Variants in UNC5C observed in about 807,000 individuals in gnomAD.
UNC5C encodes netrin receptor UNC5C.
Under a neutral mutation model 99.8 loss-of-function variants are expected in UNC5C, and 47 were observed. The observed-to-expected ratio is 0.47, with a 90% CI of 0.37 to 0.60. The LOEUF is 0.60. UNC5C is among the 20% of genes least tolerant of loss of function. The pLI, the probability that UNC5C is intolerant of heterozygous loss-of-function variation, is 0.00. For synonymous variants in UNC5C, 487 were observed against 452.2 expected, an observed-to-expected ratio of 1.08 and a Z score of -0.98; for missense variants, 1,062 against 1,165.9, an observed-to-expected ratio of 0.91 and a Z score of 1.30.
intron 1 of UNC5C, among the ~76,000 whole-genome samples, chr4:95,406,918 T>C (rs909429379): frequency 7.2e-5 from 11 of 152,166 alleles, no homozygotes; most frequent in African/African-American, 2.7e-4. Context: ...GCCTTTAAAA[T>C]CAAAATAATT....
intron 1 of UNC5C, among the ~76,000 whole-genome samples, chr4:95,371,416 T>G (rs1744743581): frequency 4.3e-5 from 2 of 46,810 alleles, no homozygotes; most frequent in Non-Finnish European, 7.3e-5. Flanking sequence ...AAACACAGTA[T>G]ATTTTGTGGG....
chr4:95,479,961 G>A (rs1366376145), intron 1 of UNC5C, among the ~76,000 whole-genome samples: 2 of 148,660 alleles, frequency 1.3e-5, no homozygotes, highest in Non-Finnish European at 3.0e-5. Flanking sequence ...AGAAAATTCT[G>A]TCTCTTTCCT....
intron 1 of UNC5C, among the ~76,000 whole-genome samples, chr4:95,500,597 A>C (rs1433934395): frequency 6.6e-6 from 1 of 152,140 alleles, no homozygotes; most frequent in Non-Finnish European, 1.5e-5. Flanking sequence ...CAGCTGCATA[A>C]ACAACAACTT....
chr4:95,432,747 A>G (rs1217087046), intron 1 of UNC5C, among the ~76,000 whole-genome samples: 1 of 152,116 alleles, frequency 6.6e-6, no homozygotes, highest in African/African-American at 2.4e-5. Context: ...AAACATCAAT[A>G]AAAGGGAAAT....
chr4:95,520,373 T>A (rs1353508711), intron 1 of UNC5C, among the ~76,000 whole-genome samples: 1 of 152,190 alleles, frequency 6.6e-6, no homozygotes, highest in Non-Finnish European at 1.5e-5. Flanking sequence ...GATTGACTCA[T>A]TGTACTTGTC....
chr4:95,335,296 G>C lies in UNC5C; in HGVS notation c.346+114C>G, dbSNP rs961563541. 2.9e-6 allele frequency: 3 copies of C among 1,022,638 alleles called. No homozygotes were observed. In the African/African-American group the frequency reaches 4.8e-5, roughly 16 times the overall value. 63.3% of individuals were successfully genotyped at this position (1,022,638 alleles called of 1,614,324 possible). On this transcript the variant is annotated intron_variant, in intron 2 of 15. Coordinates refer to ENST00000453304, the MANE Select transcript of UNC5C (RefSeq NM_003728.4). Reference sequence around the variant, plus strand: ...TAACCAAACCAATTCAAAACTTTTTGTCAGAGAATAACTCCATTTTCCATT... The same window carrying C: ...TAACCAAACCAATTCAAAACTTTTTCTCAGAGAATAACTCCATTTTCCATT...
At chr4:95,236,172 C>T (rs1364248148) in intron 7 of UNC5C, among the ~76,000 whole-genome samples, 1 of 152,064 alleles carries the variant, frequency 6.6e-6, no homozygotes, top group Non-Finnish European at 1.5e-5. Flanking sequence ...TAGCAAAGAA[C>T]TGGAACCAAC....
intron 1 of UNC5C, among the ~76,000 whole-genome samples, chr4:95,543,530 A>C (rs1319082745): frequency 6.6e-6 from 1 of 152,128 alleles, no homozygotes; most frequent in Non-Finnish European, 1.5e-5. Flanking sequence ...GTGTTGACCT[A>C]TTTTTATGTT....
chr4:95,301,246 A>G (rs1489353302), intron 3 of UNC5C, among the ~76,000 whole-genome samples: 1 of 126,396 alleles, frequency 7.9e-6, no homozygotes, highest in African/African-American at 3.1e-5. Flanking sequence ...CCCAGGCTGG[A>G]GTGCAGTGGC....
At chr4:95,192,216 G>C (rs111161432) in intron 12 of UNC5C, among the ~76,000 whole-genome samples, 11 of 124,014 alleles carry the variant, frequency 8.9e-5, no homozygotes, top group Non-Finnish European at 1.1e-4. Context: ...CACCTCTTTT[G>C]CTCGCCCTCC....
intron 12 of UNC5C, among the ~76,000 whole-genome samples, chr4:95,190,273 AGGTG>A (rs1737019460): frequency 1.4e-5 from 2 of 139,332 alleles, no homozygotes; most frequent in Admixed American, 7.9e-5. Flanking sequence ...TCTCACTCAT[AGGTG>A]GGAATTGAAC....
At chr4:95,414,754 G>A (rs1000517634) in intron 1 of UNC5C, among the ~76,000 whole-genome samples, 1 of 152,136 alleles carries the variant, frequency 6.6e-6, no homozygotes, top group East Asian at 1.9e-4. Context: ...TTAATGAGAG[G>A]CAGAAACCCA....
intron 2 of UNC5C, among the ~76,000 whole-genome samples, chr4:95,322,866 A>C (rs981920388): frequency 1.3e-5 from 2 of 149,624 alleles, no homozygotes; most frequent in African/African-American, 2.5e-5. Context: ...TGAACCCAGG[A>C]GGTAGAGATT....
At chr4:95,404,557 G>C (rs1186521742) in intron 1 of UNC5C, among the ~76,000 whole-genome samples, 1 of 152,088 alleles carries the variant, frequency 6.6e-6, no homozygotes, top group Non-Finnish European at 1.5e-5. Flanking sequence ...TGGGACACTT[G>C]TTTTCTCATT....
chr4:95,335,087 C>T (rs1743280783), intron 2 of UNC5C, among the ~76,000 whole-genome samples: 6 of 151,962 alleles, frequency 3.9e-5, no homozygotes, highest in African/African-American at 1.2e-4. Context: ...CTGACTACCA[C>T]GCAGGTGCAA....
At chr4:95,194,760 T>C (rs955318977) in intron 12 of UNC5C, among the ~76,000 whole-genome samples, 2 of 152,222 alleles carry the variant, frequency 1.3e-5, no homozygotes, top group African/African-American at 4.8e-5. Context: ...TTTTGCCATG[T>C]AGGGTAAAAT....
intron 1 of UNC5C, among the ~76,000 whole-genome samples, chr4:95,375,732 C>G (rs1261537163): frequency 6.6e-6 from 1 of 152,108 alleles, no homozygotes; most frequent in East Asian, 1.9e-4. Flanking sequence ...TAAGCATGCT[C>G]ATTATTTAGC....
chr4:95,511,256 T>C (rs1223623999), intron 1 of UNC5C, among the ~76,000 whole-genome samples: 1 of 151,600 alleles, frequency 6.6e-6, no homozygotes, highest in African/African-American at 2.4e-5. Context: ...ACTTGCATAT[T>C]TTTAATTGTA....
At position 95,529,575 on chromosome 4, in the gene UNC5C, A is replaced by C. The variant is rs201858214; in HGVS notation, c.124+19159T>G. On this transcript the variant is annotated intron_variant, in intron 1 of 15. Transcript: ENST00000453304. ...ACCCCATCTCTACAAAAAACTAAAA[A>C]ATCAGCTAGGCAGGGTGGTGCATCC... Among the ~76,000 whole-genome samples the C allele has an allele frequency of 3.7e-4, 56 of 151,858 alleles. 1 individual carries two copies. The East Asian group carries it at 0.011, about 29-fold the overall frequency.
Sources: allele counts gnomAD v4.1 joint callset (sites outside exome capture counted in the v4.1 genomes callset), GRCh38; gene constraint gnomAD v4.1.1; transcripts MANE v1.5; gene names NCBI Gene and HGNC (gene_info 2026-07-23, HGNC 2026-07-21).